SRBD1: variants seen among roughly 807,000 people sequenced by gnomAD.
The protein encoded by SRBD1 is S1 RNA binding domain 1.
In SRBD1, 88 loss-of-function variants were observed where a neutral mutation model predicts 115.3. The observed-to-expected ratio is 0.76, with a 90% CI of 0.64 to 0.91. The LOEUF (loss-of-function observed/expected upper bound fraction) is 0.91. Among genes scored for constraint, SRBD1 ranks in the 40% least tolerant of loss-of-function variants. The pLI, the probability that SRBD1 is intolerant of heterozygous loss-of-function variation, is 0.00. For missense variants in SRBD1, 1,385 were observed against 1,177.4 expected, an observed-to-expected ratio of 1.18 and a Z score of -2.58; for synonymous variants, 509 against 407.7, an observed-to-expected ratio of 1.25 and a Z score of -2.99.
At chr2:45,444,469 A>AT (rs1180650831) in intron 16 of SRBD1, among the ~76,000 whole-genome samples, 1 of 152,052 alleles carries the variant, frequency 6.6e-6, no homozygotes, top group Admixed American at 6.6e-5. Context: ...GACAGTGGTA[A>AT]TTTTTTTTAA....
At position 45,590,214 on chromosome 2, in the gene SRBD1, T is replaced by C. The variant is rs771698971; in HGVS notation, c.649-4440A>G. Among the ~76,000 whole-genome samples, 3 of 152,236 alleles carry C rather than the reference T, an allele frequency of 2.0e-5. No individual in the cohort carries two copies. The South Asian group carries it at 6.2e-4, about 31-fold the overall frequency. ...GCGAAAGAGATCTGACCTAACCAATTCCATCTTGTTCCTAACCTCCAAGCT... is the reference window on the plus strand; with the variant it reads ...GCGAAAGAGATCTGACCTAACCAATCCCATCTTGTTCCTAACCTCCAAGCT... On this transcript the variant is annotated intron_variant, in intron 4 of 20. Transcript: ENST00000263736.
chr2:45,451,761 T>C (rs374730571), intron 16 of SRBD1, among the ~76,000 whole-genome samples: 1 of 151,800 alleles, frequency 6.6e-6, no homozygotes, highest in East Asian at 1.9e-4. Context: ...GAAGAGACTT[T>C]AAGTTCATGT....
intron 5 of SRBD1, among the ~76,000 whole-genome samples, chr2:45,583,455 T>C (rs1417336356): frequency 1.3e-5 from 2 of 152,196 alleles, no homozygotes; most frequent in African/African-American, 4.8e-5. Context: ...AAAACTTTTC[T>C]TACTATCCAG....
intron 14 of SRBD1, 117 bp downstream of exon 14, chr2:45,546,615 G>A (rs1672127253): frequency 1.0e-6 from 1 of 989,266 alleles, no homozygotes; most frequent in South Asian, 1.4e-5. Flanking sequence ...ACACCAAGAG[G>A]TGGTCTGGAG....
chr2:45,488,204 A>T, intron 15 of SRBD1, 36 bp downstream of exon 15: 1 of 1,571,772 alleles, frequency 6.4e-7, no homozygotes, highest in Non-Finnish European at 8.8e-7. Flanking sequence ...AAAATATCAA[A>T]ATCACATGTT....
chr2:45,393,678 C>A (rs1009611688), intron 19 of SRBD1, among the ~76,000 whole-genome samples: 6 of 152,122 alleles, frequency 3.9e-5, no homozygotes, highest in African/African-American at 1.4e-4. Context: ...CTGCGTCCAG[C>A]CAAAAATATT....
At chr2:45,595,045 GCTTAA>G (rs1257118233) in intron 4 of SRBD1, among the ~76,000 whole-genome samples, 4 of 152,114 alleles carry the variant, frequency 2.6e-5, no homozygotes, top group Non-Finnish European at 5.9e-5. Context: ...CAACCCCCCT[GCTTAA>G]TTCATTAGAA....
intron 15 of SRBD1, among the ~76,000 whole-genome samples, chr2:45,483,716 G>A (rs947140859): frequency 6.6e-6 from 1 of 151,920 alleles, no homozygotes; most frequent in Non-Finnish European, 1.5e-5. Context: ...ACATCAGACA[G>A]GAACAGAGGA....
chr2:45,483,286 T>G (rs1174939357), intron 15 of SRBD1, among the ~76,000 whole-genome samples: 1 of 151,986 alleles, frequency 6.6e-6, no homozygotes, highest in Non-Finnish European at 1.5e-5. Flanking sequence ...ATATGGGATA[T>G]TAATAGAAAA....
intron 16 of SRBD1, among the ~76,000 whole-genome samples, chr2:45,455,442 C>T (rs77867273): frequency 0.023 from 3,485 of 151,926 alleles, 136 homozygotes; most frequent in African/African-American, 0.079. Context: ...TGAAAGACTG[C>T]TTTCCCTTAA....
At chr2:45,600,365 T>A (rs1371628618) in intron 3 of SRBD1, among the ~76,000 whole-genome samples, 1 of 152,188 alleles carries the variant, frequency 6.6e-6, no homozygotes, top group Non-Finnish European at 1.5e-5. Flanking sequence ...TCCCATTGCA[T>A]GTCAACTATT....
intron 16 of SRBD1, chr2:45,447,121 T>G (rs959341390): frequency 2.6e-5 from 4 of 152,266 alleles, no homozygotes; most frequent in African/African-American, 9.6e-5. Flanking sequence ...GTGACTTTCT[T>G]CCTTTTCCCA....
rs546107525 is a variant in SRBD1 at position 45,545,134 on chromosome 2, G to A, written c.1874+1598C>T. ...TCTCTACTAAAAATACAAAAAATTAGCCGGGTGTGGTGGCGGGTGCCTGCA... is the reference window on the plus strand; with the variant it reads ...TCTCTACTAAAAATACAAAAAATTAACCGGGTGTGGTGGCGGGTGCCTGCA... On this transcript the variant is annotated intron_variant, in intron 14 of 20. Transcript: ENST00000263736. Among the ~76,000 whole-genome samples the A allele has an allele frequency of 5.3e-4, 80 of 151,818 alleles. 1 individual carries two copies. The highest frequency in any genetic ancestry group is 1.8e-3 in the African/African-American group (73 of 41,368).
At chr2:45,594,556 G>A (rs1432728292) in intron 4 of SRBD1, among the ~76,000 whole-genome samples, 2 of 152,162 alleles carry the variant, frequency 1.3e-5, no homozygotes, top group African/African-American at 2.4e-5. Flanking sequence ...TTTGCAGTTT[G>A]GGAGAAAGGG....
At chr2:45,586,033 T>C (rs556601147) in intron 4 of SRBD1, among the ~76,000 whole-genome samples, 1 of 152,304 alleles carries the variant, frequency 6.6e-6, no homozygotes, top group Non-Finnish European at 1.5e-5. Context: ...GAGGGCACTT[T>C]TTAATGATGC....
rs77772687 is a variant in SRBD1, at chr2:45,550,872, G to C, written c.1675+253C>G. On this transcript the variant is annotated intron_variant, in intron 12 of 20. Coordinates refer to ENST00000263736, the MANE Select transcript of SRBD1 (RefSeq NM_018079.5). The stretch of plus-strand genomic sequence containing the variant: ...TGGGGAATTAATAGAGTTCAAGTCC[G>C]AGCCTAATTAATCCTCAATATCTCT... Among the ~76,000 whole-genome samples, 40 of 152,238 alleles carry C rather than the reference G, an allele frequency of 2.6e-4. 1 individual carries two copies. In the East Asian group the frequency reaches 7.7e-3, roughly 29 times the overall value.
chr2:45,418,374 G>C lies in SRBD1; in HGVS notation c.2324C>G (p.Thr775Arg), dbSNP rs367558918. The change falls in exon 18 of 21, where the codon ACG becomes AGG. Residue 775 changes from threonine to arginine, a missense_variant. By Grantham distance (71) the Thr-to-Arg change is moderately conservative (BLOSUM62 -1). Transcript: ENST00000263736. ...FIRINQDYIR[T>R]FCSQQTETSG... The stretch of plus-strand genomic sequence containing the variant: ...GTATACTTATACTCACCTGCAAAAC[G>C]TTCGGATATAATCCTGGTTGATTCT... The C allele has an allele frequency of 9.3e-6, 15 of 1,613,284 alleles. No homozygotes were observed. The South Asian group carries it at 1.6e-4, about 18-fold the overall frequency.
chr2:45,457,652 A>C (rs116101885), intron 16 of SRBD1, among the ~76,000 whole-genome samples: 1,924 of 152,112 alleles, frequency 0.013, 47 homozygotes, highest in African/African-American at 0.042. Context: ...GGCGTATGTT[A>C]AAAAAATACC....
At chr2:45,489,644 T>A (rs1670232637) in intron 14 of SRBD1, among the ~76,000 whole-genome samples, 1 of 152,114 alleles carries the variant, frequency 6.6e-6, no homozygotes, top group African/African-American at 2.4e-5. Flanking sequence ...GAGTGCATAT[T>A]ATACACAAAG....
Sources: allele counts gnomAD v4.1 joint callset (sites outside exome capture counted in the v4.1 genomes callset), GRCh38; gene constraint gnomAD v4.1.1; transcripts MANE v1.5; gene names NCBI Gene and HGNC (gene_info 2026-07-23, HGNC 2026-07-21).